The following CREB5 variants were observed in gnomAD, a reference collection of about 807,000 sequenced individuals.
The protein encoded by CREB5 is cyclic AMP-responsive element-binding protein 5.
Under a neutral mutation model 57.1 loss-of-function variants are expected in CREB5, and 19 were observed. The observed-to-expected ratio is 0.33, with a 90% CI of 0.23 to 0.49. The LOEUF is 0.49. Ranked by LOEUF, CREB5 falls within the 20% of genes least tolerant of loss-of-function variation. The pLI is 0.99. For missense variants in CREB5, 579 were observed against 671.6 expected, an observed-to-expected ratio of 0.86 and a Z score of 1.52; for synonymous variants, 238 against 238.3, an observed-to-expected ratio of 1.00 and a Z score of 0.01.
At chr7:28,345,312 A>C (rs1202756486) in intron 1 of CREB5, among the ~76,000 whole-genome samples, 4 of 151,100 alleles carry the variant, frequency 2.6e-5, no homozygotes, top group Admixed American at 2.6e-4. Context: ...TGAGTGTGAC[A>C]ACTAACACAA....
intron 1 of CREB5, among the ~76,000 whole-genome samples, chr7:28,434,562 T>G (rs1260330990): frequency 6.6e-6 from 1 of 152,212 alleles, no homozygotes; most frequent in African/African-American, 2.4e-5. Flanking sequence ...GACAAAATGT[T>G]GTATCTCCAT....
chr7:28,381,009 G>A (rs1786956011), intron 1 of CREB5, among the ~76,000 whole-genome samples: 1 of 152,208 alleles, frequency 6.6e-6, no homozygotes, highest in Non-Finnish European at 1.5e-5. Flanking sequence ...ATAAAACTAG[G>A]GGGCAGGTGG....
chr7:28,304,645 C>T (rs1321849333), intron 1 of CREB5, among the ~76,000 whole-genome samples: 1 of 151,970 alleles, frequency 6.6e-6, no homozygotes, highest in East Asian at 1.9e-4. Flanking sequence ...TTTTGTAAGT[C>T]CATAAAAAGA....
intron 1 of CREB5, among the ~76,000 whole-genome samples, chr7:28,317,293 CA>C (rs1785401896): frequency 6.6e-6 from 1 of 152,150 alleles, no homozygotes; most frequent in African/African-American, 2.4e-5. Flanking sequence ...TGGGCACCAG[CA>C]GTGAAAACCT....
chr7:28,550,836 C>T (rs1794609053), intron 4 of CREB5, among the ~76,000 whole-genome samples: 1 of 152,176 alleles, frequency 6.6e-6, no homozygotes, highest in African/African-American at 2.4e-5. Flanking sequence ...ACACAGTGCC[C>T]TAAAGCCAGG....
intron 5 of CREB5, among the ~76,000 whole-genome samples, chr7:28,618,747 C>T (rs1279534186): frequency 6.6e-6 from 1 of 152,220 alleles, no homozygotes; most frequent in African/African-American, 2.4e-5. Context: ...AGACAACACC[C>T]CCAACCCCTT....
chr7:28,582,669 G>A (rs1796163717), intron 5 of CREB5, among the ~76,000 whole-genome samples: 1 of 152,064 alleles, frequency 6.6e-6, no homozygotes, highest in Non-Finnish European at 1.5e-5. Context: ...TTAATTTTCA[G>A]TCCTTATCTC....
At chr7:28,644,485 A>G (rs1027492528) in intron 5 of CREB5, among the ~76,000 whole-genome samples, 114 of 152,196 alleles carry the variant, frequency 7.5e-4, no homozygotes, top group Non-Finnish European at 4.0e-4. Context: ...GACTCTATCT[A>G]GCGTAAGACC....
chr7:28,775,741 C>A (rs1438232603), intron 7 of CREB5, among the ~76,000 whole-genome samples: 3 of 151,808 alleles, frequency 2.0e-5, no homozygotes, highest in Admixed American at 6.6e-5. Context: ...TGATCATTCT[C>A]TTGGTGTACA....
chr7:28,700,973 A>C (rs1008471571), intron 5 of CREB5, among the ~76,000 whole-genome samples: 5 of 151,768 alleles, frequency 3.3e-5, no homozygotes, highest in African/African-American at 1.2e-4. Flanking sequence ...AAAAAAAAAA[A>C]AAACAACCCA....
intron 6 of CREB5, among the ~76,000 whole-genome samples, chr7:28,722,197 G>A (rs994183417): frequency 6.6e-6 from 1 of 152,206 alleles, no homozygotes; most frequent in African/African-American, 2.4e-5. Flanking sequence ...CCAAAAAGTG[G>A]GAAGCGTTGC....
chr7:28,752,891 GA>G (rs1805064188), intron 7 of CREB5, among the ~76,000 whole-genome samples: 1 of 150,500 alleles, frequency 6.6e-6, no homozygotes, highest in Non-Finnish European at 1.5e-5. Flanking sequence ...TTTCTAAAGG[GA>G]TTTTTTTTTT....
chr7:28,529,453 A>G (rs893935963), intron 4 of CREB5, among the ~76,000 whole-genome samples: 2 of 152,162 alleles, frequency 1.3e-5, no homozygotes, highest in Non-Finnish European at 2.9e-5. Context: ...TTTATCAAAA[A>G]TTTTTCCATG....
intron 5 of CREB5, among the ~76,000 whole-genome samples, chr7:28,700,036 A>C (rs1801766214): frequency 6.6e-6 from 1 of 152,234 alleles, no homozygotes; most frequent in Admixed American, 6.5e-5. Context: ...AATGGGACGT[A>C]CATCAGACAG....
At chr7:28,659,233 C>G (rs1408344580) in intron 5 of CREB5, among the ~76,000 whole-genome samples, 1 of 151,732 alleles carries the variant, frequency 6.6e-6, no homozygotes, top group Non-Finnish European at 1.5e-5. Context: ...CTGGAAAGTC[C>G]CTCTCAGCAA....
intron 1 of CREB5, among the ~76,000 whole-genome samples, chr7:28,421,258 T>G (rs1455531167): frequency 1.3e-5 from 2 of 152,238 alleles, no homozygotes; most frequent in Non-Finnish European, 2.9e-5. Context: ...GTTTTCCATT[T>G]CTGAGTTACT....
chr7:28,533,855 A>G (rs1448932287), intron 4 of CREB5, among the ~76,000 whole-genome samples: 1 of 152,110 alleles, frequency 6.6e-6, no homozygotes, highest in East Asian at 1.9e-4. Flanking sequence ...CTTCTCCTAA[A>G]TGGTGCTACA....
intron 1 of CREB5, among the ~76,000 whole-genome samples, chr7:28,424,129 T>C (rs1271007459): frequency 2.6e-5 from 4 of 152,228 alleles, no homozygotes; most frequent in Non-Finnish European, 5.9e-5. Context: ...TGTCTCCAAG[T>C]TCCTCTTTTC....
rs1032966793 is a variant in CREB5, at chr7:28,822,433, T to G, written c.*3154T>G. The stretch of plus-strand genomic sequence containing the variant: ...CCTGTTTGGGAGAATATCTTTGTAC[T>G]CCATTCTCCTCCCTCAGCCAGTTAC... On this transcript the variant is annotated 3_prime_UTR_variant, in exon 11 of 11. Transcript: ENST00000357727. 3.3e-5 allele frequency: 5 copies of G among 152,640 alleles called. No individual in the cohort carries two copies. The highest frequency in any genetic ancestry group is 1.2e-4 in the African/African-American group (5 of 41,412). 9.5% of individuals were successfully genotyped at this position (152,640 alleles called of 1,614,324 possible). A position where few individuals can be genotyped will look rare whatever the true frequency, so the allele number is the denominator to read the frequency against.
Sources: allele counts gnomAD v4.1 joint callset (sites outside exome capture counted in the v4.1 genomes callset), GRCh38; gene constraint gnomAD v4.1.1; transcripts MANE v1.5; gene names NCBI Gene and HGNC (gene_info 2026-07-23, HGNC 2026-07-21).